The following CRTC3 variants were observed in gnomAD, a reference collection of about 807,000 sequenced individuals.
The protein encoded by CRTC3 is CREB regulated transcription coactivator 3.
CRTC3 carries 26 observed loss-of-function variants against 74.5 expected under a neutral mutation model. The ratio of observed to expected loss-of-function variants is 0.35; its 90% CI spans 0.26 to 0.48. The LOEUF is 0.48. Among genes scored for constraint, CRTC3 ranks in the 20% least tolerant of loss-of-function variants. CRTC3 has a pLI of 0.99. For missense variants in CRTC3, 760 were observed against 787.3 expected (o/e 0.97, Z 0.41); for synonymous variants, 377 against 325.8 (o/e 1.16, Z -1.69).
chr15:90,602,509 T>C, intron 4 of CRTC3, 124 bp downstream of exon 4: 2 of 635,620 alleles, frequency 3.1e-6, no homozygotes, highest in South Asian at 2.0e-5. Flanking sequence ...TTTTCTCTTA[T>C]AACATTTAAT....
intron 2 of CRTC3, among the ~76,000 whole-genome samples, chr15:90,558,272 T>A (rs921438416): frequency 3.9e-5 from 6 of 152,194 alleles, no homozygotes; most frequent in African/African-American, 1.4e-4. Flanking sequence ...GCCTCCTGAC[T>A]GGGCTTCTGG....
At chr15:90,601,512 G>A (rs1422462835) in intron 3 of CRTC3, among the ~76,000 whole-genome samples, 1 of 152,078 alleles carries the variant, frequency 6.6e-6, no homozygotes, top group East Asian at 1.9e-4. Context: ...AATTAGCCGG[G>A]TGTGGTGGCG....
chr15:90,616,594 C>T (rs1177496405), intron 7 of CRTC3, among the ~76,000 whole-genome samples: 1 of 152,178 alleles, frequency 6.6e-6, no homozygotes, highest in African/African-American at 2.4e-5. Flanking sequence ...AACAGCATTC[C>T]TGGTTCTGAG....
intron 9 of CRTC3, among the ~76,000 whole-genome samples, chr15:90,620,485 G>A (rs1968614051): frequency 6.6e-6 from 1 of 152,174 alleles, no homozygotes; most frequent in African/African-American, 2.4e-5. Context: ...TGAGGAAGTT[G>A]AGTCTAAGAG....
At chr15:90,598,962 C>CT (rs1968001848) in intron 3 of CRTC3, 2 of 174,568 alleles carry the variant, frequency 1.1e-5, no homozygotes, top group Non-Finnish European at 2.4e-5. Context: ...CACACTCTGC[C>CT]TGGTGCCCAG....
chr15:90,537,681 G>A (rs1966742468), intron 1 of CRTC3, among the ~76,000 whole-genome samples: 2 of 152,132 alleles, frequency 1.3e-5, no homozygotes, highest in South Asian at 4.1e-4. Context: ...CACTGCTCCT[G>A]GCCTTTTTTT....
At chr15:90,574,376 G>T (rs964427626) in intron 2 of CRTC3, among the ~76,000 whole-genome samples, 3 of 152,098 alleles carry the variant, frequency 2.0e-5, no homozygotes, top group East Asian at 3.8e-4. Context: ...TACTCAGGAG[G>T]CTGAGGCAGG....
At chr15:90,586,362 C>CTTT (rs55985691) in intron 2 of CRTC3, among the ~76,000 whole-genome samples, 532 of 81,222 alleles carry the variant, frequency 6.5e-3, no homozygotes, top group East Asian at 8.0e-3. Flanking sequence ...GGTAGAACTT[C>CTTT]TTTTTTTTTT....
chr15:90,585,568 A>G (rs1201854407), intron 2 of CRTC3, among the ~76,000 whole-genome samples: 1 of 152,212 alleles, frequency 6.6e-6, no homozygotes, highest in Non-Finnish European at 1.5e-5. Flanking sequence ...GGTGAGGTAA[A>G]GAGAATACTG....
At chr15:90,587,124 G>A (rs1967683224) in intron 2 of CRTC3, among the ~76,000 whole-genome samples, 1 of 152,178 alleles carries the variant, frequency 6.6e-6, no homozygotes, top group African/African-American at 2.4e-5. Flanking sequence ...ATTAGAGGAA[G>A]TAATTTCCCC....
intron 1 of CRTC3, among the ~76,000 whole-genome samples, chr15:90,538,263 G>C (rs1966750743): frequency 6.6e-6 from 1 of 152,192 alleles, no homozygotes. Flanking sequence ...CTTCTGATAA[G>C]TACTTTTAGA....
intron 4 of CRTC3, among the ~76,000 whole-genome samples, chr15:90,603,397 C>A (rs1469758370): frequency 6.6e-6 from 1 of 151,852 alleles, no homozygotes; most frequent in East Asian, 1.9e-4. Flanking sequence ...GAGCCGAGAT[C>A]ACGCCACTGC....
At chr15:90,534,653 A>G (rs1045199798) in intron 1 of CRTC3, among the ~76,000 whole-genome samples, 2 of 152,170 alleles carry the variant, frequency 1.3e-5, no homozygotes, top group Non-Finnish European at 2.9e-5. Flanking sequence ...GAAAAATGAG[A>G]TAATCCAACG....
At chr15:90,629,957 C>G (rs1360754505) in intron 11 of CRTC3, among the ~76,000 whole-genome samples, 5 of 152,182 alleles carry the variant, frequency 3.3e-5, no homozygotes, top group Non-Finnish European at 5.9e-5. Context: ...TGCCTGGACT[C>G]AAGCCATCCT....
intron 9 of CRTC3, among the ~76,000 whole-genome samples, chr15:90,625,284 G>T (rs928628182): frequency 1.3e-5 from 2 of 152,210 alleles, no homozygotes; most frequent in African/African-American, 4.8e-5. Flanking sequence ...GGCACACAGT[G>T]CCTAGCCCAT....
At chr15:90,556,177 T>C (rs1242222775) in intron 2 of CRTC3, among the ~76,000 whole-genome samples, 1 of 152,174 alleles carries the variant, frequency 6.6e-6, no homozygotes, top group Non-Finnish European at 1.5e-5. Context: ...TTTCATCATA[T>C]ATGACTTATA....
In CRTC3 at chr15:90,642,294, C is replaced by A; in HGVS notation, c.*154C>A. 1.5e-6 allele frequency: 1 copy of A among 646,564 alleles called. No homozygotes were observed. The highest frequency in any genetic ancestry group is 2.7e-6 in the Non-Finnish European group (1 of 371,396). 40.1% of individuals were successfully genotyped at this position (646,564 alleles called of 1,614,324 possible). Reference sequence around the variant, plus strand: ...GTTTCAGATGAGATCCCATCTCAGACACTGTGGCTTCCTCCAGATCACACA... The same window carrying A: ...GTTTCAGATGAGATCCCATCTCAGAAACTGTGGCTTCCTCCAGATCACACA... On this transcript the variant is annotated 3_prime_UTR_variant, in exon 15 of 15. Transcript: ENST00000268184.
chr15:90,618,624 G>A (rs1968558257), intron 8 of CRTC3, among the ~76,000 whole-genome samples: 1 of 152,146 alleles, frequency 6.6e-6, no homozygotes, highest in Admixed American at 6.5e-5. Context: ...CCTTAAGGAT[G>A]CTCTATTGCA....
chr15:90,636,873 A>G (rs1969257545), intron 11 of CRTC3, among the ~76,000 whole-genome samples: 2 of 152,240 alleles, frequency 1.3e-5, no homozygotes, highest in Admixed American at 1.3e-4. Flanking sequence ...CACACCAGTT[A>G]GAATGGCAAT....
Sources: allele counts gnomAD v4.1 joint callset (sites outside exome capture counted in the v4.1 genomes callset), GRCh38; gene constraint gnomAD v4.1.1; transcripts MANE v1.5; gene names NCBI Gene and HGNC (gene_info 2026-07-23, HGNC 2026-07-21).